ENPP3: variants seen among roughly 807,000 people sequenced by gnomAD.
The protein encoded by ENPP3 is ectonucleotide pyrophosphatase/phosphodiesterase 3, also known as ectonucleotide pyrophosphatase/phosphodiesterase family member 3.
In ENPP3, 104 loss-of-function variants were observed where a neutral mutation model predicts 117.8. The observed-to-expected ratio is 0.88, with a 90% confidence interval of 0.75 to 1.04. The LOEUF (loss-of-function observed/expected upper bound fraction) is 1.04, where lower values mean the gene tolerates loss of function less well. ENPP3 is among the 50% of genes least tolerant of loss of function. The probability of loss-of-function intolerance (pLI) is 0.00; values close to 1 mark genes in which losing one functional copy is unlikely to be tolerated. For synonymous variants in ENPP3, 380 were observed against 349.9 expected (o/e 1.09, Z -0.96); for missense variants, 1,026 against 1,051.9 (o/e 0.98, Z 0.34).
intron 2 of ENPP3, among the ~76,000 whole-genome samples, chr6:131,643,715 C>T (rs1778099871): frequency 6.6e-6 from 1 of 152,088 alleles, no homozygotes; most frequent in African/African-American, 2.4e-5. Flanking sequence ...ACCGTCATGA[C>T]TACACGTATT....
At position 131,679,066 on chromosome 6, in the gene ENPP3, T is replaced by C. The variant is rs1159895112; in HGVS notation, c.1011+1126T>C. ...CTTTCTTTCTTTCTTTCTTTCTTTC[T>C]TTCTTTCTTTCTTTCTTTCTTTTCT... is the stretch of plus-strand genomic sequence containing the variant. On this transcript the variant is annotated intron_variant, in intron 11 of 24. Coordinates refer to ENST00000357639, the MANE Select transcript of ENPP3 (RefSeq NM_005021.5). Among the ~76,000 whole-genome samples, 19 of 134,956 alleles carry C rather than the reference T, an allele frequency of 1.4e-4. 2 individuals are homozygous for C. Among genetic ancestry groups the C allele is most frequent in the South Asian group, 4.8e-4 (2 of 4,186 alleles). 88.5% of individuals were successfully genotyped at this position (134,956 alleles called of 152,430 possible).
Position 131,683,177 on chromosome 6 carries a change from A to G in ENPP3, c.1120+15A>G. On this transcript the variant is annotated intron_variant, in intron 12 of 24. Coordinates refer to ENST00000357639, the MANE Select transcript of ENPP3 (RefSeq NM_005021.5). ...GGCTGACCATGGTATGCTTTTAAAAAACATTCTTATTTTATCATTGACTAT... is the reference window on the plus strand; with the variant it reads ...GGCTGACCATGGTATGCTTTTAAAAGACATTCTTATTTTATCATTGACTAT... 1.5e-6 allele frequency: 2 copies of G among 1,333,652 alleles called. No individual in the cohort carries two copies. Among genetic ancestry groups the G allele is most frequent in the Non-Finnish European group, 2.1e-6 (2 of 932,988 alleles). 82.6% of individuals were successfully genotyped at this position (1,333,652 alleles called of 1,614,324 possible). A position where few individuals can be genotyped will look rare whatever the true frequency, so the allele number is the denominator to read the frequency against.
chr6:131,740,520 G>A, intron 24 of ENPP3, 140 bp downstream of exon 24: 1 of 541,200 alleles, frequency 1.8e-6, no homozygotes, highest in Non-Finnish European at 3.1e-6. Context: ...TTCATTTTTA[G>A]GCTTTTCCTT....
chr6:131,718,155 T>G (rs1779937685), intron 15 of ENPP3, among the ~76,000 whole-genome samples: 1 of 152,240 alleles, frequency 6.6e-6, no homozygotes, highest in Admixed American at 6.5e-5. Flanking sequence ...TCTTTATTCA[T>G]GCTTTCATAT....
intron 13 of ENPP3, 38 bp downstream of exon 13, chr6:131,685,533 C>A (rs751001779): frequency 6.3e-7 from 1 of 1,597,864 alleles, no homozygotes; most frequent in South Asian, 1.1e-5. Flanking sequence ...AAAGGGTAAA[C>A]CTGAAAGTGA....
intron 6 of ENPP3, among the ~76,000 whole-genome samples, chr6:131,663,494 C>T (rs553080172): frequency 7.0e-6 from 1 of 142,866 alleles, no homozygotes; most frequent in South Asian, 2.2e-4. Flanking sequence ...CAAGATCAGC[C>T]TGAGCAACAA....
rs115844951 is a variant in ENPP3 at position 131,673,567 on chromosome 6, G to A, written c.643-595G>A. Among the ~76,000 whole-genome samples the A allele has an allele frequency of 3.7e-3, 560 of 152,178 alleles. 4 individuals are homozygous for A. Among genetic ancestry groups the A allele is most frequent in the African/African-American group, 0.013 (534 of 41,526 alleles). On this transcript the variant is annotated intron_variant, in intron 7 of 24. Transcript: ENST00000357639. ...GAGAGGAGCAGAAAGTATAACTATT[G>A]AGTGCTGGCTTAATACCTGGGTGAT...
rs747602863 is a variant in ENPP3, at chr6:131,675,141, A to G, written c.824A>G (p.Glu275Gly). 1.9e-6 allele frequency: 3 copies of G among 1,613,658 alleles called. No homozygotes were observed. Among genetic ancestry groups the G allele is most frequent in the Middle Eastern group, 1.6e-4 (1 of 6,080 alleles). ...KAATYFWPGS[E>G]VAINGSFPSI... ...GCTACCTACTTTTGGCCCGGATCAGAAGTGGCTATAAATGGCTCCTTTCCT... is the reference window on the plus strand; with the variant it reads ...GCTACCTACTTTTGGCCCGGATCAGGAGTGGCTATAAATGGCTCCTTTCCT... Residue 275 changes from glutamate (E) to glycine (G), a missense_variant, in exon 9 of 25, where the codon GAA (glutamate) becomes GGA (glycine). Transcript: ENST00000357639.
intron 14 of ENPP3, among the ~76,000 whole-genome samples, chr6:131,692,214 T>C (rs1779296190): frequency 6.6e-6 from 1 of 152,128 alleles, no homozygotes; most frequent in Non-Finnish European, 1.5e-5. Context: ...TTTTTCTTCT[T>C]GTTTCTCAAA....
intron 20 of ENPP3, 28 bp from the exon 21 acceptor site, chr6:131,733,560 T>A: frequency 6.3e-7 from 1 of 1,597,830 alleles, no homozygotes; most frequent in Admixed American, 1.7e-5. Flanking sequence ...ATTGTGGGCG[T>A]AATTTTTTTC....
At chr6:131,690,607 A>G (rs1018563979) in intron 14 of ENPP3, among the ~76,000 whole-genome samples, 1 of 152,188 alleles carries the variant, frequency 6.6e-6, no homozygotes, top group African/African-American at 2.4e-5. Context: ...TGAGTTCAAA[A>G]TATCTCCAAG....
intron 24 of ENPP3, among the ~76,000 whole-genome samples, chr6:131,745,998 G>A (rs1780628488): frequency 6.6e-6 from 1 of 151,890 alleles, no homozygotes; most frequent in Admixed American, 6.6e-5. Context: ...GCGGGTGCCT[G>A]TAATCCCAGC....
chr6:131,664,337 G>A (rs573061578), intron 6 of ENPP3, among the ~76,000 whole-genome samples: 3 of 151,970 alleles, frequency 2.0e-5, no homozygotes, highest in Non-Finnish European at 2.9e-5. Flanking sequence ...AAAAACAAAA[G>A]CTTATAGAAT....
chr6:131,697,850 C>G (rs1189217951), intron 15 of ENPP3, among the ~76,000 whole-genome samples: 3 of 152,124 alleles, frequency 2.0e-5, no homozygotes, highest in Non-Finnish European at 4.4e-5. Context: ...GGTTGGGGAC[C>G]CCTAGTCTAG....
intron 11 of ENPP3, among the ~76,000 whole-genome samples, chr6:131,680,231 T>G (rs867635146): frequency 3.4e-4 from 52 of 152,222 alleles, no homozygotes; most frequent in African/African-American, 1.2e-3. Context: ...AAGATATAAC[T>G]GAGATTCTTT....
chr6:131,733,931 T>C (rs1302150110), intron 21 of ENPP3, among the ~76,000 whole-genome samples: 3 of 152,168 alleles, frequency 2.0e-5, no homozygotes, highest in Admixed American at 6.5e-5. Context: ...ACACAGCAGC[T>C]CTCATCTGGC....
intron 6 of ENPP3, among the ~76,000 whole-genome samples, 168 bp downstream of exon 6, chr6:131,658,588 C>G (rs148701216): frequency 6.6e-6 from 1 of 152,198 alleles, no homozygotes; most frequent in Admixed American, 6.5e-5. Context: ...TATATTTTCA[C>G]GCTTGCTGGC....
At position 131,720,317 on chromosome 6, in the gene ENPP3, G is replaced by A; in HGVS notation, c.1505G>A (p.Ser502Asn). 6.3e-7 allele frequency: 1 copy of A among 1,599,660 alleles called. No homozygotes were observed. The highest frequency in any genetic ancestry group is 1.1e-5 in the South Asian group (1 of 89,176). Residue 502 changes from serine (S) to asparagine (N), a missense_variant, in exon 17 of 25, where the codon AGT (serine) becomes AAT (asparagine). Physicochemically the swap from Ser to Asn is conservative, Grantham distance 46. Coordinates refer to ENST00000357639, the MANE Select transcript of ENPP3 (RefSeq NM_005021.5). Reference protein sequence around the residue: ...MEAIFLAHGPSFKEKTEVEPF... With the variant: ...MEAIFLAHGPNFKEKTEVEPF... ...GCTATCTTTCTGGCACATGGACCCA[G>A]TTTTAAAGAGAAGACTGAAGTTGAA...
In ENPP3 at chr6:131,731,365, T is replaced by G. The variant is rs73554739; in HGVS notation, c.1954-2223T>G. 7.8e-3 allele frequency among the ~76,000 whole-genome samples: 1,191 copies of G among 152,344 alleles called. 14 individuals are homozygous for G. Among genetic ancestry groups the G allele is most frequent in the African/African-American group, 0.027 (1,135 of 41,570 alleles). On this transcript the variant is annotated intron_variant, in intron 20 of 24. Coordinates refer to ENST00000357639, the MANE Select transcript of ENPP3 (RefSeq NM_005021.5). The stretch of plus-strand genomic sequence containing the variant: ...AGCCATTTTGTTGAGGACTCCAAAC[T>G]GACAGTATCTAGTTTCTTTTCAGGC...
Sources: allele counts gnomAD v4.1 joint callset (sites outside exome capture counted in the v4.1 genomes callset), GRCh38; gene constraint gnomAD v4.1.1; transcripts MANE v1.5; gene names NCBI Gene and HGNC (gene_info 2026-07-23, HGNC 2026-07-21).